Variants in PARD3B observed in about 807,000 individuals in gnomAD.
PARD3B encodes the protein partitioning defective 3 homolog B.
A neutral mutation model predicts 130.2 loss-of-function variants in PARD3B; 103 were observed. That is an observed-to-expected ratio of 0.79 (90% confidence interval 0.67 to 0.93). The LOEUF (loss-of-function observed/expected upper bound fraction) is 0.93. PARD3B is among the 40% of genes least tolerant of loss of function. The pLI is 0.00. For missense variants in PARD3B, 1,609 were observed against 1,499.2 expected, an observed-to-expected ratio of 1.07 and a Z score of -1.21; for synonymous variants, 583 against 553.2, an observed-to-expected ratio of 1.05 and a Z score of -0.76.
In PARD3B at chr2:205,142,791, T is replaced by A. The variant is rs891103650; in HGVS notation, c.1435-15931T>A. On this transcript the variant is annotated intron_variant, in intron 10 of 22. Transcript: ENST00000406610. This position sits in a 1 kb window ranked among gnomAD's most constrained non-coding sequence, Gnocchi z 4.3. ...TACTCAGGAAGCTGACGCAGGAGAA[T>A]CGTTTGAACCCGGGAGGCAGAGGTT... Among the ~76,000 whole-genome samples, 4 of 151,846 alleles carry A rather than the reference T, an allele frequency of 2.6e-5. No homozygotes were observed. Among genetic ancestry groups the A allele is most frequent in the Middle Eastern group, 3.2e-3 (1 of 316 alleles).
intron 15 of PARD3B, among the ~76,000 whole-genome samples, chr2:205,220,399 C>T (rs768596151): frequency 2.6e-5 from 4 of 152,200 alleles, no homozygotes; most frequent in South Asian, 2.1e-4. Context: ...TTTCTTTGCC[C>T]GAAACACATC....
intron 5 of PARD3B, among the ~76,000 whole-genome samples, chr2:205,113,177 G>A (rs1428560561): frequency 6.6e-6 from 1 of 152,118 alleles, no homozygotes; most frequent in Non-Finnish European, 1.5e-5. Flanking sequence ...TTTAATTTTT[G>A]TGTACCTCTT....
intron 3 of PARD3B, among the ~76,000 whole-genome samples, chr2:204,997,913 T>C (rs935086977): frequency 2.0e-5 from 3 of 148,410 alleles, no homozygotes; most frequent in Non-Finnish European, 4.5e-5. Context: ...TAGATATTTA[T>C]TATTTATATA....
In PARD3B at chr2:205,470,805, CTATGGAGTT is replaced by C. The variant is rs1559123988; in HGVS notation, c.3045-29088_3045-29080del. Among the ~76,000 whole-genome samples, 1 of 152,120 alleles carries C rather than the reference CTATGGAGTT, an allele frequency of 6.6e-6. No individual in the cohort carries two copies. Among genetic ancestry groups the C allele is most frequent in the African/African-American group, 2.4e-5 (1 of 41,412 alleles). On this transcript the variant is annotated intron_variant, in intron 20 of 22. Transcript: ENST00000406610. The surrounding 1 kb of genome is among the most constrained non-coding windows in gnomAD (Gnocchi z 4.8). Reference sequence around the variant, plus strand: ...ATGTTTGACTCTATTAGGAAAAATTCTATGGAGTTTACAATAGAATCATAGGGAAGCTCT... The same window carrying C: ...ATGTTTGACTCTATTAGGAAAAATTCTACAATAGAATCATAGGGAAGCTCT...
In PARD3B at chr2:205,155,874, G is replaced by A. The variant is rs112694219; in HGVS notation, c.1435-2848G>A. On this transcript the variant is annotated intron_variant, in intron 10 of 22. Coordinates refer to ENST00000406610, the MANE Select transcript of PARD3B (RefSeq NM_001302769.2). ...TGAGAAGTGTCTGTTCATGTCCTTCGCCCACTTTTTGATGGGGTTGTTTGT... is the reference window on the plus strand; with the variant it reads ...TGAGAAGTGTCTGTTCATGTCCTTCACCCACTTTTTGATGGGGTTGTTTGT... Among the ~76,000 whole-genome samples the A allele has an allele frequency of 3.9e-4, 59 of 152,048 alleles. 2 individuals carry two copies. In the South Asian group the frequency reaches 7.9e-3, roughly 20 times the overall value.
At chr2:205,210,191 C>A (rs775574324) in intron 15 of PARD3B, among the ~76,000 whole-genome samples, 16 of 151,862 alleles carry the variant, frequency 1.1e-4, no homozygotes, top group Non-Finnish European at 2.2e-4. Context: ...CAAAGCAAGA[C>A]CCCATCTCTA....
chr2:205,106,481 A>ATGTG (rs202186761), intron 5 of PARD3B, among the ~76,000 whole-genome samples: 23 of 147,026 alleles, frequency 1.6e-4, no homozygotes, highest in Middle Eastern at 3.5e-3. Flanking sequence ...TAAGAAATGT[A>ATGTG]TGTGTGTGTG....
rs142988270 is a variant in PARD3B at position 204,563,988 on chromosome 2, A to G, written c.120+17869A>G. Among the ~76,000 whole-genome samples the G allele has an allele frequency of 2.6e-3, 397 of 152,136 alleles. 1 individual carries two copies. The highest frequency in any genetic ancestry group is 8.9e-3 in the African/African-American group (368 of 41,518). On this transcript the variant is annotated intron_variant, in intron 1 of 22. Coordinates refer to ENST00000406610, the MANE Select transcript of PARD3B (RefSeq NM_001302769.2). Reference sequence around the variant, plus strand: ...ACGGGGTTTAACCGTGTTAGCCAGGATGGTCTCGATCTCCTGACCTTGTGA... The same window carrying G: ...ACGGGGTTTAACCGTGTTAGCCAGGGTGGTCTCGATCTCCTGACCTTGTGA...
intron 2 of PARD3B, among the ~76,000 whole-genome samples, chr2:204,756,891 G>A (rs1334709860): frequency 6.6e-6 from 1 of 152,068 alleles, no homozygotes; most frequent in East Asian, 1.9e-4. Context: ...TCAATAAGTA[G>A]TTTTTCAACC....
Position 205,473,680 on chromosome 2 carries a change from G to GTATGTA in PARD3B, c.3045-26212_3045-26207dup, listed in dbSNP as rs1346342871. Among the ~76,000 whole-genome samples, 1 of 86,044 alleles carries GTATGTA rather than the reference G, an allele frequency of 1.2e-5. No homozygotes were observed. The allele number at this position is 86,044 out of a possible 152,430, so 56.4% of individuals were successfully genotyped here. On this transcript the variant is annotated intron_variant, in intron 20 of 22. Coordinates refer to ENST00000406610, the MANE Select transcript of PARD3B (RefSeq NM_001302769.2). This position sits in a 1 kb window ranked among gnomAD's most constrained non-coding sequence, Gnocchi z 4.9. Reference sequence around the variant, plus strand: ...TGTGTGTGTGTGTGTGTGTGTGTGTGTATGTATATATATATATATATATAT... The same window carrying GTATGTA: ...TGTGTGTGTGTGTGTGTGTGTGTGTGTATGTATATGTATATATATATATATATATAT...
chr2:204,653,175 A>G (rs2035539290), intron 1 of PARD3B, among the ~76,000 whole-genome samples: 2 of 150,808 alleles, frequency 1.3e-5, no homozygotes, highest in Non-Finnish European at 1.5e-5. Flanking sequence ...GAGTACTAGG[A>G]TTAGTACCTG....
chr2:205,554,123 G>T (rs1269776614), intron 22 of PARD3B, among the ~76,000 whole-genome samples: 1 of 152,210 alleles, frequency 6.6e-6, no homozygotes, highest in Non-Finnish European at 1.5e-5. Context: ...TACGATTGGA[G>T]TTAGGTGAGG....
intron 15 of PARD3B, among the ~76,000 whole-genome samples, chr2:205,236,780 A>G (rs1021578422): frequency 1.3e-5 from 2 of 152,208 alleles, no homozygotes; most frequent in African/African-American, 4.8e-5. Flanking sequence ...TGGTGGACAC[A>G]TCACGTTACT....
chr2:204,782,684 A>C (rs1170864106), intron 2 of PARD3B, among the ~76,000 whole-genome samples: 1 of 151,838 alleles, frequency 6.6e-6, no homozygotes, highest in Non-Finnish European at 1.5e-5. Flanking sequence ...ATAAAAATGA[A>C]ATTCAGTGCA....
rs144819116 is a variant in PARD3B at position 205,112,557 on chromosome 2, C to T, written c.594-934C>T. On this transcript the variant is annotated intron_variant, in intron 5 of 22. Transcript: ENST00000406610. ...CATGTAAATAGGGAACAATGGAGAC[C>T]GGCTTACAATTTCCATAACGTGGAT... 1.4e-4 allele frequency among the ~76,000 whole-genome samples: 22 copies of T among 152,056 alleles called. No individual in the cohort carries two copies. In the East Asian group the frequency reaches 3.3e-3, roughly 23 times the overall value.
chr2:205,497,505 G>C (rs986290543), intron 20 of PARD3B, among the ~76,000 whole-genome samples: 1 of 120,476 alleles, frequency 8.3e-6, no homozygotes, highest in African/African-American at 3.2e-5. Context: ...TCTTTCTGTT[G>C]CTTTTAGGTA....
intron 2 of PARD3B, among the ~76,000 whole-genome samples, chr2:204,701,063 T>G (rs2037867827): frequency 6.6e-6 from 1 of 152,134 alleles, no homozygotes; most frequent in Non-Finnish European, 1.5e-5. Flanking sequence ...TTTATACTTT[T>G]TCATACAAAA....
At position 205,291,122 on chromosome 2, in the gene PARD3B, G is replaced by A. The variant is rs375138847; in HGVS notation, c.2186-9408G>A. On this transcript the variant is annotated intron_variant, in intron 16 of 22. Transcript: ENST00000406610. This position sits in a 1 kb window ranked among gnomAD's most constrained non-coding sequence, Gnocchi z 4.6. ...AATATGGAAACAGCTTTGAAACTGG[G>A]TAATGGGTGGAGGCTGAAAGAGTTT... Among the ~76,000 whole-genome samples the A allele has an allele frequency of 3.0e-4, 46 of 152,248 alleles. No individual in the cohort carries two copies. Among genetic ancestry groups the A allele is most frequent in the African/African-American group, 1.1e-3 (45 of 41,552 alleles).
intron 22 of PARD3B, among the ~76,000 whole-genome samples, chr2:205,614,442 G>T (rs539029211): frequency 6.6e-6 from 1 of 152,056 alleles, no homozygotes; most frequent in African/African-American, 2.4e-5. Context: ...AGTGGCTCAC[G>T]CCTGTAATCT....
Sources: allele counts gnomAD v4.1 joint callset (sites outside exome capture counted in the v4.1 genomes callset), GRCh38; gene constraint gnomAD v4.1.1; non-coding constraint Gnocchi (gnomAD v3.1); transcripts MANE v1.5; gene names NCBI Gene and HGNC (gene_info 2026-07-23, HGNC 2026-07-21).